EPYC: variants seen among roughly 807,000 people sequenced by gnomAD.
The protein encoded by EPYC is epiphycan.
EPYC carries 28 observed loss-of-function variants against 30.1 expected under a neutral mutation model. The ratio of observed to expected loss-of-function variants is 0.93; its 90% CI spans 0.69 to 1.28. The LOEUF is 1.28. EPYC is among the 50% of genes most tolerant of loss of function. The pLI, the probability that EPYC is intolerant of heterozygous loss-of-function variation, is 0.00. For missense variants in EPYC, 382 were observed against 383.5 expected (o/e 1.00, Z 0.03); for synonymous variants, 144 against 141.4 (o/e 1.02, Z -0.13).
intron 2 of EPYC, among the ~76,000 whole-genome samples, chr12:90,987,102 G>C (rs1877468048): frequency 6.6e-6 from 1 of 152,094 alleles, no homozygotes; most frequent in South Asian, 2.1e-4. Flanking sequence ...GACAGAGCAG[G>C]AATATCACCA....
At chr12:90,992,373 C>G (rs1227780007) in intron 2 of EPYC, among the ~76,000 whole-genome samples, 1 of 152,094 alleles carries the variant, frequency 6.6e-6, no homozygotes, top group East Asian at 1.9e-4. Flanking sequence ...GTGAAAAAAG[C>G]ATGGGGAATA....
At chr12:90,998,027 C>T (rs953571009) in intron 2 of EPYC, among the ~76,000 whole-genome samples, 3 of 152,028 alleles carry the variant, frequency 2.0e-5, no homozygotes, top group African/African-American at 7.2e-5. Context: ...TATATAATTA[C>T]TAACTGTTTA....
At chr12:90,982,540 G>A (rs960398995) in intron 2 of EPYC, among the ~76,000 whole-genome samples, 1 of 151,802 alleles carries the variant, frequency 6.6e-6, no homozygotes, top group Non-Finnish European at 1.5e-5. Flanking sequence ...CCTAATATTT[G>A]TATTAGGCAA....
chr12:90,970,639 C>T (rs1877016219), intron 5 of EPYC, among the ~76,000 whole-genome samples: 1 of 152,188 alleles, frequency 6.6e-6, no homozygotes, highest in Admixed American at 6.5e-5. Context: ...AGCCAAACAC[C>T]CTAGAATAAA....
chr12:90,968,581 A>C (rs1876957546), intron 6 of EPYC, among the ~76,000 whole-genome samples: 1 of 152,364 alleles, frequency 6.6e-6, no homozygotes, highest in African/African-American at 2.4e-5. Flanking sequence ...TTGTGAGCTG[A>C]CAGTGACGGA....
At chr12:90,971,741 G>T in intron 5 of EPYC, 59 bp downstream of exon 5, 1 of 822,986 alleles carries the variant, frequency 1.2e-6, no homozygotes. Flanking sequence ...AAAAAAGGTA[G>T]TCAATGACAG....
intron 5 of EPYC, 88 bp downstream of exon 5, chr12:90,971,712 T>TG: frequency 3.4e-6 from 1 of 291,990 alleles, no homozygotes; most frequent in Non-Finnish European, 5.6e-6. Context: ...ATAAATAAAT[T>TG]TATTTTCCCT....
intron 6 of EPYC, 34 bp from the exon 7 acceptor site, chr12:90,964,360 T>C (rs751628736): frequency 6.6e-7 from 1 of 1,507,222 alleles, no homozygotes; most frequent in African/African-American, 1.4e-5. Context: ...TGACAAGATA[T>C]AACACATTCT....
intron 2 of EPYC, among the ~76,000 whole-genome samples, chr12:90,998,251 C>G (rs1330461297): frequency 1.3e-5 from 2 of 152,034 alleles, no homozygotes; most frequent in Non-Finnish European, 2.9e-5. Context: ...ATCATATAGC[C>G]TACAACCCAT....
At chr12:90,980,058 A>T (rs1014595369) in intron 2 of EPYC, among the ~76,000 whole-genome samples, 3 of 152,154 alleles carry the variant, frequency 2.0e-5, no homozygotes, top group Non-Finnish European at 2.9e-5. Flanking sequence ...TACGGTTTCC[A>T]TCTGTAGGTC....
intron 6 of EPYC, among the ~76,000 whole-genome samples, chr12:90,969,072 C>A: frequency 1.3e-5 from 2 of 149,886 alleles, no homozygotes; most frequent in South Asian, 2.1e-4. Flanking sequence ...ATGTAGACAC[C>A]AAAAATATGA....
chr12:91,002,766 A>C (rs2120879836), intron 1 of EPYC, among the ~76,000 whole-genome samples, 188 bp from the exon 2 acceptor site: 1 of 104,562 alleles, frequency 9.6e-6, no homozygotes, highest in East Asian at 2.0e-4. Flanking sequence ...CCAGATGTTC[A>C]AATTAATTCA....
chr12:90,971,922 G>A lies in EPYC; in HGVS notation c.580C>T (p.Arg194Ter), dbSNP rs779578980. The change falls in exon 5 of 7, where the codon CGA (arginine) becomes TGA (stop). Residue 194 changes from arginine (R) to a stop codon, truncating the protein, a stop_gained. Transcript: ENST00000261172. LOFTEE classifies it high-confidence loss of function. ...EDAFRKLPQL[R>*]ELVLRDNKIR... ...TTGTTGTCACGCAGGACAAGCTCTC[G>A]AAGTTGAGGCAGTTTTCGGAATGCA... The A allele has an allele frequency of 2.1e-5, 34 of 1,611,592 alleles. No individual in the cohort carries two copies. In the South Asian group the frequency reaches 2.9e-4, roughly 14 times the overall value.
chr12:90,964,178 A>C lies in EPYC; in HGVS notation c.947T>G (p.Leu316Arg), dbSNP rs750415010. 1 of 1,612,312 alleles carries C rather than the reference A, an allele frequency of 6.2e-7. No homozygotes were observed. The highest frequency in any genetic ancestry group is 8.5e-7 in the Non-Finnish European group (1 of 1,178,922). The change falls in exon 7 of 7, where the codon CTG becomes CGG. Residue 316 changes from leucine (L) to arginine (R), a missense_variant. Leu to Arg is a moderately radical substitution (Grantham distance 102, BLOSUM62 -2). Coordinates refer to ENST00000261172, the MANE Select transcript of EPYC (RefSeq NM_004950.5). ...TPQAYMCLPR[L>R]PVGSLV is the part of the protein sequence containing the mutation. The stretch of plus-strand genomic sequence containing the variant: ...AAATTAGACAAGGCTCCCAACAGGC[A>C]GACGAGGTAGACACATGTATGCTTG...
chr12:90,977,716 A>G (rs1877219723), intron 3 of EPYC, among the ~76,000 whole-genome samples: 1 of 152,092 alleles, frequency 6.6e-6, no homozygotes, highest in African/African-American at 2.4e-5. Context: ...TACTATTACC[A>G]TCATCTTCAT....
At chr12:90,986,341 T>C (rs554733508) in intron 2 of EPYC, among the ~76,000 whole-genome samples, 215 of 152,160 alleles carry the variant, frequency 1.4e-3, no homozygotes, top group African/African-American at 4.5e-3. Context: ...AGCTCAAGGC[T>C]TAGTAAGAAA....
intron 6 of EPYC, among the ~76,000 whole-genome samples, chr12:90,964,972 C>A (rs760041617): frequency 2.0e-5 from 3 of 152,160 alleles, no homozygotes; most frequent in Non-Finnish European, 4.4e-5. Flanking sequence ...TTGCAACCAT[C>A]TGTCTAATTT....
chr12:90,986,238 G>A (rs184527172), intron 2 of EPYC, among the ~76,000 whole-genome samples: 7 of 152,060 alleles, frequency 4.6e-5, no homozygotes, highest in African/African-American at 1.7e-4. Flanking sequence ...GTCCAAATCA[G>A]GCTAAAAGAC....
chr12:90,981,008 G>A (rs1877313127), intron 2 of EPYC, among the ~76,000 whole-genome samples: 2 of 152,118 alleles, frequency 1.3e-5, no homozygotes, highest in Admixed American at 1.3e-4. Flanking sequence ...TTTGCAGTAA[G>A]TTATCTATTT....
Sources: gnomAD v4.1 joint callset for allele counts (sites outside exome capture counted in the v4.1 genomes callset) on GRCh38, gnomAD v4.1.1 for gene constraint, MANE v1.5 for transcripts, NCBI Gene and HGNC (gene_info 2026-07-23, HGNC 2026-07-21) for gene names.